Variants in TJP1 observed in about 807,000 individuals in gnomAD.
The protein encoded by TJP1 is tight junction protein ZO-1.
Under a neutral mutation model 194.2 loss-of-function variants are expected in TJP1, and 43 were observed. The observed-to-expected ratio is 0.22, with a 90% CI of 0.17 to 0.29. The LOEUF (loss-of-function observed/expected upper bound fraction) is 0.29, where lower values mean the gene tolerates loss of function less well. TJP1 is among the 10% of genes least tolerant of loss of function. The pLI, the probability that TJP1 is intolerant of heterozygous loss-of-function variation, is 1.00. For missense variants in TJP1, 1,971 were observed against 2,185.7 expected, an observed-to-expected ratio of 0.90 and a Z score of 1.96; for synonymous variants, 801 against 779.0, an observed-to-expected ratio of 1.03 and a Z score of -0.47.
At chr15:29,771,698 A>G (rs2046691861) in intron 4 of TJP1, among the ~76,000 whole-genome samples, 1 of 151,902 alleles carries the variant, frequency 6.6e-6, no homozygotes, top group Admixed American at 6.6e-5. Context: ...CCAGCTACTC[A>G]GGAGGCTGAG....
intron 2 of TJP1, among the ~76,000 whole-genome samples, chr15:29,902,836 C>T (rs785435): frequency 0.084 from 12,705 of 152,140 alleles, 602 homozygotes; most frequent in South Asian, 0.12. Flanking sequence ...CAGATCGAGA[C>T]CATCCTGGCC....
chr15:29,950,365 TACC>T (rs752262298), intron 2 of TJP1, among the ~76,000 whole-genome samples: 36 of 144,160 alleles, frequency 2.5e-4, no homozygotes, highest in Non-Finnish European at 4.7e-4. Flanking sequence ...TTACCACTAC[TACC>T]ACCACCTCTA....
At chr15:29,854,542 AGAAGCTG>A (rs1194231728) in intron 2 of TJP1, among the ~76,000 whole-genome samples, 1 of 152,190 alleles carries the variant, frequency 6.6e-6, no homozygotes, top group African/African-American at 2.4e-5. Context: ...GGGCATCACC[AGAAGCTG>A]GGAGAGACAA....
At chr15:29,703,102 T>A (rs929964355) in intron 27 of TJP1, among the ~76,000 whole-genome samples, 2 of 152,206 alleles carry the variant, frequency 1.3e-5, no homozygotes, top group Non-Finnish European at 2.9e-5. Context: ...TGGCCAAGTA[T>A]GATCACAACG....
intron 8 of TJP1, among the ~76,000 whole-genome samples, chr15:29,751,895 T>C (rs1020115469): frequency 2.0e-5 from 3 of 152,146 alleles, no homozygotes. Flanking sequence ...GCTGATGGAG[T>C]AAATAAACTT....
chr15:29,716,071 G>A (rs1457567152), intron 23 of TJP1, among the ~76,000 whole-genome samples: 2 of 152,164 alleles, frequency 1.3e-5, no homozygotes, highest in Admixed American at 6.5e-5. Context: ...CCAGGGATGA[G>A]TAAACGGAGG....
At chr15:29,711,123 A>G (rs2042218639) in intron 23 of TJP1, 123 bp from the exon 24 acceptor site, 16 of 1,163,546 alleles carry the variant, frequency 1.4e-5, no homozygotes, top group South Asian at 1.3e-4. Flanking sequence ...ATTTATTCTC[A>G]TGAGTATGGG....
intron 2 of TJP1, among the ~76,000 whole-genome samples, chr15:29,950,300 TCCA>T (rs368316029): frequency 2.6e-4 from 34 of 130,754 alleles, no homozygotes; most frequent in East Asian, 1.2e-3. Context: ...CACCGCTACC[TCCA>T]CCACCACCAC....
At chr15:29,808,664 G>A (rs557801135) in intron 1 of TJP1, among the ~76,000 whole-genome samples, 1 of 152,160 alleles carries the variant, frequency 6.6e-6, no homozygotes, top group Non-Finnish European at 1.5e-5. Context: ...GAAAGAATAA[G>A]ATATTTACTC....
In TJP1 at chr15:29,750,208, G is replaced by A. The variant is rs150264490; in HGVS notation, c.1011-7427C>T. Among the ~76,000 whole-genome samples the A allele has an allele frequency of 2.1e-3, 320 of 152,178 alleles. 1 individual carries two copies. Among genetic ancestry groups the A allele is most frequent in the Middle Eastern group, 0.01 (3 of 294 alleles). ...TTTTTAGTAGAGACAGGGTTTCACC[G>A]TGTTAGCCAGGATGGTCTTGATCTG... is the stretch of plus-strand genomic sequence containing the variant. On this transcript the variant is annotated intron_variant, in intron 8 of 27. Coordinates refer to ENST00000614355, the MANE Select transcript of TJP1 (RefSeq NM_001330239.4).
At chr15:29,785,493 C>T (rs2047642940) in intron 2 of TJP1, among the ~76,000 whole-genome samples, 1 of 152,068 alleles carries the variant, frequency 6.6e-6, no homozygotes, top group Non-Finnish European at 1.5e-5. Context: ...TTTCTTGGTT[C>T]CTTAAAAAAA....
intron 1 of TJP1, among the ~76,000 whole-genome samples, chr15:29,819,887 A>C (rs943992913): frequency 6.6e-6 from 1 of 152,224 alleles, no homozygotes; most frequent in African/African-American, 2.4e-5. Flanking sequence ...TAAACTGCAC[A>C]TAGCCTTTGC....
In TJP1 at chr15:29,751,800, T is replaced by C. The variant is rs1165737249; in HGVS notation, c.1011-9019A>G. Among the ~76,000 whole-genome samples, 77 of 152,266 alleles carry C rather than the reference T, an allele frequency of 5.1e-4. 1 individual carries two copies. Among genetic ancestry groups the C allele is most frequent in the Non-Finnish European group, 1.5e-5 (1 of 68,046 alleles). On this transcript the variant is annotated intron_variant, in intron 8 of 27. Coordinates refer to ENST00000614355, the MANE Select transcript of TJP1 (RefSeq NM_001330239.4). ...AAATCTGCAAATAAGTTTTTTTGTA[T>C]ATTTACTATTTTAGACAAGTGGAGC... is the stretch of plus-strand genomic sequence containing the variant.
intron 1 of TJP1, among the ~76,000 whole-genome samples, chr15:29,958,984 A>G (rs960726379): frequency 6.8e-6 from 1 of 147,946 alleles, no homozygotes; most frequent in African/African-American, 2.6e-5. Context: ...TAAAGTAGCT[A>G]GTTTTTTTTT....
At chr15:29,864,148 C>T (rs986369196) in intron 2 of TJP1, among the ~76,000 whole-genome samples, 2 of 149,844 alleles carry the variant, frequency 1.3e-5, no homozygotes, top group South Asian at 2.1e-4. Flanking sequence ...AATCTCAGCA[C>T]TTCGGGAGGC....
At chr15:29,949,682 T>TCCA (rs2055550376) in intron 2 of TJP1, among the ~76,000 whole-genome samples, 1 of 30,224 alleles carries the variant, frequency 3.3e-5, no homozygotes, top group Non-Finnish European at 6.5e-5. Flanking sequence ...CACCTCCACC[T>TCCA]TCACCACCAC....
upstream of TJP1, among the ~76,000 whole-genome samples, chr15:29,825,674 C>T (rs150585949): frequency 7.8e-4 from 119 of 152,222 alleles, no homozygotes; most frequent in African/African-American, 2.6e-3. Context: ...TGTGAGTTTA[C>T]GCTTGACAAA....
intron 27 of TJP1, among the ~76,000 whole-genome samples, chr15:29,703,678 T>C (rs2041702217): frequency 6.6e-6 from 1 of 152,050 alleles, no homozygotes; most frequent in African/African-American, 2.4e-5. Context: ...GGTCTCGCTC[T>C]GTTGCCCAGG....
chr15:29,803,658 TA>T (rs1239359715), intron 1 of TJP1, among the ~76,000 whole-genome samples: 1 of 152,130 alleles, frequency 6.6e-6, no homozygotes. Context: ...TTGTTAATTA[TA>T]AAAAATGTTT....
Sources: gnomAD v4.1 joint callset for allele counts (sites outside exome capture counted in the v4.1 genomes callset) on GRCh38, gnomAD v4.1.1 for gene constraint, MANE v1.5 for transcripts, NCBI Gene and HGNC (gene_info 2026-07-23, HGNC 2026-07-21) for gene names.